Variants in CLEC4A observed in about 807,000 individuals in gnomAD.
CLEC4A encodes the protein C-type (calcium dependent, carbohydrate-recognition domain) lectin, superfamily member 6.
In CLEC4A, 27 loss-of-function variants were observed where a neutral mutation model predicts 32.7. The observed-to-expected ratio is 0.83, with a 90% CI of 0.61 to 1.14. The LOEUF is 1.14. Among genes scored for constraint, CLEC4A ranks in the 50% most tolerant of loss-of-function variants. The probability of loss-of-function intolerance (pLI) is 0.00; values close to 1 mark genes in which losing one functional copy is unlikely to be tolerated. For synonymous variants in CLEC4A, 89 were observed against 93.7 expected (o/e 0.95, Z 0.29); for missense variants, 253 against 274.6 (o/e 0.92, Z 0.55).
chr12:8,111,963 G>GTATA, the CLEC4A span, among the ~76,000 whole-genome samples: 89 of 142,702 alleles, frequency 6.2e-4, no homozygotes, highest in African/African-American at 1.8e-3. Flanking sequence ...GTGTGTGTGT[G>GTATA]TATTTTATTT....
the CLEC4A span, among the ~76,000 whole-genome samples, chr12:8,103,371 C>CTTTTTTTTTTT: frequency 2.0e-5 from 1 of 49,030 alleles, no homozygotes; most frequent in South Asian, 6.9e-4. Flanking sequence ...TTGTTTCTTT[C>CTTTTTTTTTTT]TGTTGTTTTT....
chr12:8,104,763 C>T, the CLEC4A span, among the ~76,000 whole-genome samples: 1 of 152,110 alleles, frequency 6.6e-6, no homozygotes, highest in Admixed American at 6.5e-5. Flanking sequence ...GTCTGTTGTT[C>T]CCTTCTTTGT....
At chr12:8,110,768 T>C in the CLEC4A span, among the ~76,000 whole-genome samples, 5 of 152,240 alleles carry the variant, frequency 3.3e-5, no homozygotes, top group Non-Finnish European at 7.3e-5. Context: ...AAAGACATGA[T>C]AAAGTATATG....
chr12:8,116,433 G>A, the CLEC4A span, among the ~76,000 whole-genome samples: 1 of 152,138 alleles, frequency 6.6e-6, no homozygotes, highest in Admixed American at 6.5e-5. Flanking sequence ...GCCGAGTACT[G>A]TATTGACTTG....
At chr12:8,116,225 G>A in the CLEC4A span, among the ~76,000 whole-genome samples, 1 of 152,070 alleles carries the variant, frequency 6.6e-6, no homozygotes, top group Non-Finnish European at 1.5e-5. Flanking sequence ...GCCTCCCAGA[G>A]TGCTAGGATT....
the CLEC4A span, among the ~76,000 whole-genome samples, chr12:8,107,894 G>T: frequency 6.9e-3 from 1,042 of 151,644 alleles, 7 homozygotes; most frequent in African/African-American, 0.024. Flanking sequence ...CTTCAGTTCA[G>T]CTCTGATTTT....
chr12:8,127,149 T>C (rs1205224345), intron 2 of CLEC4A, among the ~76,000 whole-genome samples: 5 of 152,260 alleles, frequency 3.3e-5, no homozygotes, highest in Non-Finnish European at 7.3e-5. Flanking sequence ...CTCATGTATA[T>C]GTGGTTGGGT....
At chr12:8,133,717 C>A in intron 3 of CLEC4A, 1 of 1,584,574 alleles carries the variant, frequency 6.3e-7, no homozygotes, top group Non-Finnish European at 8.6e-7. Context: ...TCCAGGTGCT[C>A]TTTCCCTAGC....
intron 3 of CLEC4A, among the ~76,000 whole-genome samples, chr12:8,135,146 A>C (rs1261912237): frequency 7.9e-6 from 1 of 127,132 alleles, no homozygotes; most frequent in East Asian, 2.4e-4. Context: ...TCAGCCTCCC[A>C]AAGTGCTGGG....
At chr12:8,108,725 C>G in the CLEC4A span, among the ~76,000 whole-genome samples, 1 of 152,270 alleles carries the variant, frequency 6.6e-6, no homozygotes, top group Admixed American at 6.5e-5. Flanking sequence ...CAAAAAAGCT[C>G]TGGTATACTT....
upstream of CLEC4A, chr12:8,121,740 GA>G (rs1401063520): frequency 6.5e-6 from 1 of 153,230 alleles, no homozygotes; most frequent in Non-Finnish European, 1.5e-5. Context: ...CAGAGTCTGA[GA>G]GGTAAAGAAG....
intron 4 of CLEC4A, 21 bp downstream of exon 4, chr12:8,135,757 G>T (rs1344302011): frequency 6.2e-7 from 1 of 1,612,024 alleles, no homozygotes; most frequent in Non-Finnish European, 8.5e-7. Context: ...ATAGATAATG[G>T]GGCTGTGAGC....
At chr12:8,137,055 C>G (rs375780871) in intron 5 of CLEC4A, 152 bp downstream of exon 5, 1 of 492,270 alleles carries the variant, frequency 2.0e-6, no homozygotes, top group Non-Finnish European at 3.7e-6. Flanking sequence ...ATTTAATCTG[C>G]GCAAGAACCC....
chr12:8,106,143 G>T, the CLEC4A span, among the ~76,000 whole-genome samples: 2 of 152,114 alleles, frequency 1.3e-5, no homozygotes, highest in African/African-American at 4.8e-5. Context: ...ATTGAATAGG[G>T]AGTCCTTTCC....
chr12:8,107,955 C>G, the CLEC4A span, among the ~76,000 whole-genome samples: 1 of 152,054 alleles, frequency 6.6e-6, no homozygotes, highest in African/African-American at 2.4e-5. Context: ...TCTTGTTTCT[C>G]TAGTTCCTCT....
intron 3 of CLEC4A, among the ~76,000 whole-genome samples, chr12:8,135,263 A>G (rs1948093041): frequency 6.6e-6 from 1 of 151,872 alleles, no homozygotes; most frequent in South Asian, 2.1e-4. Context: ...GGTTCTTAGC[A>G]TAATGACTTA....
intron 2 of CLEC4A, among the ~76,000 whole-genome samples, chr12:8,126,266 G>A (rs951683936): frequency 1.3e-5 from 2 of 152,020 alleles, no homozygotes; most frequent in Admixed American, 6.6e-5. Context: ...GTGCATTGGT[G>A]CAATCTTGGC....
chr12:8,113,158 T>A, the CLEC4A span, among the ~76,000 whole-genome samples: 12 of 126,818 alleles, frequency 9.5e-5, no homozygotes, highest in East Asian at 4.8e-4. Context: ...GATGTTCCCC[T>A]TTCTGTGTCC....
intron 3 of CLEC4A, among the ~76,000 whole-genome samples, chr12:8,129,788 CA>C (rs780146678): frequency 6.6e-6 from 1 of 152,056 alleles, no homozygotes; most frequent in Non-Finnish European, 1.5e-5. Flanking sequence ...GATTCCGCCT[CA>C]AAAAAACCCA....
Sources: gnomAD v4.1 joint callset for allele counts (sites outside exome capture counted in the v4.1 genomes callset) on GRCh38, gnomAD v4.1.1 for gene constraint, MANE v1.5 for transcripts, NCBI Gene and HGNC (gene_info 2026-07-23, HGNC 2026-07-21) for gene names.